Variants in RNF150 observed in about 807,000 individuals in gnomAD.
The protein encoded by RNF150 is ring finger protein 150.
Under a neutral mutation model 39.3 loss-of-function variants are expected in RNF150, and 24 were observed. The ratio of observed to expected loss-of-function variants is 0.61; its 90% confidence interval spans 0.44 to 0.86. The LOEUF is 0.86. Ranked by LOEUF, RNF150 falls within the 40% of genes least tolerant of loss-of-function variation. The pLI, the probability that RNF150 is intolerant of heterozygous loss-of-function variation, is 0.00. For synonymous variants in RNF150, 255 were observed against 227.3 expected (o/e 1.12, Z -1.10); for missense variants, 502 against 587.8 (o/e 0.85, Z 1.51).
At chr4:140,996,838 G>A (rs1734394765) in intron 1 of RNF150, 1 of 152,272 alleles carries the variant, frequency 6.6e-6, no homozygotes, top group African/African-American at 2.4e-5. Flanking sequence ...GTATAAAAGT[G>A]AGAAAAGCAG....
intron 5 of RNF150, 44 bp from the exon 6 acceptor site, chr4:140,911,398 C>CT (rs752333350): frequency 1.3e-6 from 2 of 1,533,026 alleles, no homozygotes; most frequent in Non-Finnish European, 1.8e-6. Context: ...ATGTCATCCA[C>CT]TTAGAGATTA....
intron 1 of RNF150, among the ~76,000 whole-genome samples, chr4:141,187,138 G>T (rs1728026904): frequency 6.6e-6 from 1 of 152,202 alleles, no homozygotes; most frequent in African/African-American, 2.4e-5. Flanking sequence ...GGTGTAGGTT[G>T]TTCAGTTTCC....
At chr4:140,962,167 T>C (rs1275738544) in intron 2 of RNF150, among the ~76,000 whole-genome samples, 1 of 151,622 alleles carries the variant, frequency 6.6e-6, no homozygotes, top group Non-Finnish European at 1.5e-5. Context: ...GTTTACATTT[T>C]TATTGTGTTT....
rs1728536942 is a variant in RNF150, at chr4:140,862,661, G to A, written c.*5600C>T. Reference sequence around the variant, plus strand: ...AAGGAGGGAAAAGGAAGAGCTAAGGGATGATGAGAAACTCATATTAGCTTC... The same window carrying A: ...AAGGAGGGAAAAGGAAGAGCTAAGGAATGATGAGAAACTCATATTAGCTTC... On this transcript the variant is annotated 3_prime_UTR_variant, in exon 7 of 7. Coordinates refer to ENST00000515673, the MANE Select transcript of RNF150 (RefSeq NM_020724.2). 1 of 152,120 alleles carries A rather than the reference G, an allele frequency of 6.6e-6. No individual in the cohort carries two copies. The highest frequency in any genetic ancestry group is 6.6e-5 in the Admixed American group (1 of 15,264). 9.4% of individuals were successfully genotyped at this position (152,120 alleles called of 1,614,324 possible).
chr4:141,000,018 AAG>A (rs1734569362), intron 1 of RNF150, among the ~76,000 whole-genome samples: 1 of 29,170 alleles, frequency 3.4e-5, no homozygotes, highest in Non-Finnish European at 8.9e-5. Flanking sequence ...GAAGAAGAAG[AAG>A]AAGAAGAAGA....
At chr4:140,932,063 T>G (rs1731666463) in intron 4 of RNF150, among the ~76,000 whole-genome samples, 1 of 152,220 alleles carries the variant, frequency 6.6e-6, no homozygotes, top group African/African-American at 2.4e-5. Context: ...TAGGACCCTG[T>G]GGTTTTCCTT....
At chr4:141,172,551 G>A (rs1275195619) in intron 1 of RNF150, among the ~76,000 whole-genome samples, 3 of 152,032 alleles carry the variant, frequency 2.0e-5, no homozygotes, top group African/African-American at 7.2e-5. Flanking sequence ...CAGTTGACCT[G>A]AAAACCTGTA....
At chr4:140,948,190 G>A (rs980751211) in intron 3 of RNF150, among the ~76,000 whole-genome samples, 2 of 151,832 alleles carry the variant, frequency 1.3e-5, no homozygotes, top group African/African-American at 4.8e-5. Flanking sequence ...TTATGTAATA[G>A]TCCTTGTACT....
chr4:140,964,895 T>C (rs1361917081), intron 2 of RNF150, among the ~76,000 whole-genome samples: 2 of 151,628 alleles, frequency 1.3e-5, no homozygotes, highest in African/African-American at 4.8e-5. Flanking sequence ...AGCACAGAAA[T>C]AGAAGCAAGT....
At chr4:141,212,032 A>G (rs530317630) in intron 1 of RNF150, among the ~76,000 whole-genome samples, 19 of 152,308 alleles carry the variant, frequency 1.2e-4, no homozygotes, top group African/African-American at 4.1e-4. Context: ...GAACTACTCA[A>G]TCTGATTTAA....
chr4:140,949,678 C>T (rs533540437), intron 2 of RNF150, among the ~76,000 whole-genome samples: 2 of 104,942 alleles, frequency 1.9e-5, no homozygotes, highest in African/African-American at 6.3e-5. Flanking sequence ...TACACTACCC[C>T]CCCCCAAAAA....
intron 1 of RNF150, among the ~76,000 whole-genome samples, chr4:141,211,234 CA>C (rs1215718528): frequency 6.6e-6 from 1 of 151,512 alleles, no homozygotes; most frequent in African/African-American, 2.4e-5. Flanking sequence ...AGTAGGTTTT[CA>C]AAAAAAATCA....
intron 1 of RNF150, among the ~76,000 whole-genome samples, chr4:140,989,587 C>T (rs993556044): frequency 6.6e-6 from 1 of 152,170 alleles, no homozygotes; most frequent in Non-Finnish European, 1.5e-5. Context: ...GATGACCTTA[C>T]AAACTGATGT....
chr4:140,986,648 C>G (rs975478986), intron 1 of RNF150, among the ~76,000 whole-genome samples: 34 of 152,038 alleles, frequency 2.2e-4, no homozygotes, highest in Non-Finnish European at 8.8e-5. Flanking sequence ...TTAACTCACA[C>G]TCACCCCTAC....
At chr4:141,107,646 T>G (rs189055475) in intron 1 of RNF150, among the ~76,000 whole-genome samples, 7 of 152,364 alleles carry the variant, frequency 4.6e-5, no homozygotes, top group Admixed American at 3.3e-4. Context: ...CAAGTTGTCA[T>G]GAGGTCTGCT....
intron 1 of RNF150, among the ~76,000 whole-genome samples, chr4:141,118,733 C>T (rs183492762): frequency 5.3e-5 from 8 of 152,010 alleles, no homozygotes; most frequent in African/African-American, 9.7e-5. Context: ...GTTTGAGATA[C>T]GTGTTTTTCT....
chr4:141,098,666 C>T (rs1047787009), intron 1 of RNF150, among the ~76,000 whole-genome samples: 1 of 152,232 alleles, frequency 6.6e-6, no homozygotes, highest in Non-Finnish European at 1.5e-5. Context: ...CAACTCTACA[C>T]ACTTGCTGTC....
intron 1 of RNF150, among the ~76,000 whole-genome samples, chr4:141,088,068 T>C (rs1007224793): frequency 6.6e-6 from 1 of 152,318 alleles, no homozygotes; most frequent in African/African-American, 2.4e-5. Flanking sequence ...GAGTAAACTA[T>C]AGACAAATTA....
intron 1 of RNF150, among the ~76,000 whole-genome samples, chr4:141,202,008 G>A (rs12108358): frequency 0.62 from 93,629 of 151,924 alleles, 31,456 homozygotes; most frequent in African/African-American, 0.89. Flanking sequence ...CCATGTGAGG[G>A]CACAGCAAGA....
Sources: gnomAD v4.1 joint callset for allele counts (sites outside exome capture counted in the v4.1 genomes callset) on GRCh38, gnomAD v4.1.1 for gene constraint, MANE v1.5 for transcripts, NCBI Gene and HGNC (gene_info 2026-07-23, HGNC 2026-07-21) for gene names.